KIAA1549L: variants seen among roughly 807,000 people sequenced by gnomAD.
KIAA1549L encodes the protein UPF0606 protein KIAA1549L.
KIAA1549L carries 88 observed loss-of-function variants against 160.7 expected under a neutral mutation model. That is an observed-to-expected ratio of 0.55 (90% CI 0.46 to 0.65). The LOEUF (loss-of-function observed/expected upper bound fraction) is 0.65, where lower values mean the gene tolerates loss of function less well. Among genes scored for constraint, KIAA1549L ranks in the 30% least tolerant of loss-of-function variants. The pLI, the probability that KIAA1549L is intolerant of heterozygous loss-of-function variation, is 0.00. For missense variants in KIAA1549L, 2,258 were observed against 2,437.5 expected (o/e 0.93, Z 1.55); for synonymous variants, 950 against 976.7 (o/e 0.97, Z 0.51).
At chr11:33,464,769 G>GAA (rs973971821) in intron 1 of KIAA1549L, among the ~76,000 whole-genome samples, 42 of 152,052 alleles carry the variant, frequency 2.8e-4, no homozygotes, top group African/African-American at 8.7e-4. Context: ...ATCAAGTCCA[G>GAA]ACCTCTTAGC....
intron 1 of KIAA1549L, among the ~76,000 whole-genome samples, chr11:33,422,462 C>G (rs1483345061): frequency 6.6e-6 from 1 of 151,668 alleles, no homozygotes; most frequent in East Asian, 1.9e-4. Context: ...TCCTCAGAAG[C>G]TACTTCCTCC....
At position 33,606,818 on chromosome 11, in the gene KIAA1549L, G is replaced by A. The variant is rs1487687255; in HGVS notation, c.5057G>A (p.Gly1686Asp). ...CAGGAGTCATCGGCAGTCCTCAACG[G>A]CGAGGTAAGTGCCTGGAGACCCAGG... ...RSQESSAVLN[G>D]EVNKALKQKS... is the part of the protein sequence containing the mutation. Residue 1686 changes from glycine (G) to aspartate (D), a missense_variant, in exon 14 of 21, where the codon GGC becomes GAC. Gly to Asp is a moderately conservative substitution (Grantham distance 94, BLOSUM62 -1). Coordinates refer to ENST00000658780, the MANE Select transcript of KIAA1549L (RefSeq NM_012194.3). 3 of 1,601,844 alleles carry A rather than the reference G, an allele frequency of 1.9e-6. No individual in the cohort carries two copies. Among genetic ancestry groups the A allele is most frequent in the Non-Finnish European group, 2.6e-6 (3 of 1,173,708 alleles).
At chr11:33,638,475 G>A (rs181558034) in intron 16 of KIAA1549L, among the ~76,000 whole-genome samples, 1,337 of 51,866 alleles carry the variant, frequency 0.026, 13 homozygotes, top group African/African-American at 0.1. Context: ...TCATCTATGA[G>A]TATTTTATTC....
rs905073566 is a variant in KIAA1549L, at chr11:33,441,476, G to T, written c.238+64587G>T. On this transcript the variant is annotated intron_variant, in intron 1 of 20. Transcript: ENST00000658780. ...GGGTCAAATGGTATTTCTAGTTCTAGATCCCTGAGGAATCGCCACACGACT... is the reference window on the plus strand; with the variant it reads ...GGGTCAAATGGTATTTCTAGTTCTATATCCCTGAGGAATCGCCACACGACT... 2.3e-4 allele frequency among the ~76,000 whole-genome samples: 27 copies of T among 117,122 alleles called. No individual in the cohort carries two copies. In the East Asian group the frequency reaches 4.8e-3, roughly 21 times the overall value. 76.8% of individuals were successfully genotyped at this position (117,122 alleles called of 152,430 possible). A position where few individuals can be genotyped will look rare whatever the true frequency, so the allele number is the denominator to read the frequency against.
intron 16 of KIAA1549L, among the ~76,000 whole-genome samples, chr11:33,631,409 C>T (rs560480060): frequency 1.3e-5 from 2 of 152,368 alleles, no homozygotes; most frequent in South Asian, 4.1e-4. Flanking sequence ...CCACCTGCTT[C>T]ATCCAGGCCC....
intron 1 of KIAA1549L, among the ~76,000 whole-genome samples, chr11:33,415,551 G>C (rs1850871355): frequency 6.6e-6 from 1 of 152,134 alleles, no homozygotes; most frequent in African/African-American, 2.4e-5. Context: ...CTCAAACACT[G>C]CTCCTTCTGG....
intron 1 of KIAA1549L, among the ~76,000 whole-genome samples, chr11:33,520,309 A>G (rs1344830097): frequency 1.3e-5 from 2 of 152,146 alleles, no homozygotes; most frequent in Non-Finnish European, 2.9e-5. Flanking sequence ...AACAGCCCCT[A>G]GTAACCACTA....
At chr11:33,451,620 T>C (rs1432124452) in intron 1 of KIAA1549L, among the ~76,000 whole-genome samples, 1 of 152,250 alleles carries the variant, frequency 6.6e-6, no homozygotes, top group African/African-American at 2.4e-5. Flanking sequence ...GTTCTGATCT[T>C]GTCTGAAAGA....
At chr11:33,468,670 G>T (rs1852111933) in intron 1 of KIAA1549L, among the ~76,000 whole-genome samples, 1 of 152,204 alleles carries the variant, frequency 6.6e-6, no homozygotes, top group African/African-American at 2.4e-5. Context: ...AGAGTGAGAA[G>T]ATTAAACTTA....
chr11:33,547,173 C>T (rs1311922564), intron 3 of KIAA1549L, among the ~76,000 whole-genome samples: 2 of 152,256 alleles, frequency 1.3e-5, no homozygotes, highest in East Asian at 1.9e-4. Context: ...CTCTTGTGAT[C>T]CTTCAGAACT....
chr11:33,664,553 G>A (rs1209331401), intron 20 of KIAA1549L, among the ~76,000 whole-genome samples: 1 of 152,198 alleles, frequency 6.6e-6, no homozygotes, highest in African/African-American at 2.4e-5. Context: ...ATTAGGACAT[G>A]GGACCTTTGG....
chr11:33,647,790 TAA>T (rs11363213), intron 17 of KIAA1549L, among the ~76,000 whole-genome samples: 38,470 of 150,548 alleles, frequency 0.26, 5,388 homozygotes, highest in Middle Eastern at 0.36. Context: ...TAAAACCATC[TAA>T]AAAAAAAAAA....
rs76415836 is a variant in KIAA1549L at position 33,509,541 on chromosome 11, A to G, written c.239-32261A>G. ...GAAGTGAAGGTTAATGTTCGGTTTC[A>G]TAGTGAAGTATAAAAAGGTCAGAAG... On this transcript the variant is annotated intron_variant, in intron 1 of 20. Transcript: ENST00000658780. Among the ~76,000 whole-genome samples the G allele has an allele frequency of 4.9e-3, 753 of 152,342 alleles. 5 individuals are homozygous for G. The highest frequency in any genetic ancestry group is 0.016 in the African/African-American group (685 of 41,584).
chr11:33,427,062 G>A (rs1342586272), intron 1 of KIAA1549L, among the ~76,000 whole-genome samples: 2 of 152,090 alleles, frequency 1.3e-5, no homozygotes, highest in African/African-American at 2.4e-5. Flanking sequence ...CAACTAAATG[G>A]GCGGTAGAAA....
intron 1 of KIAA1549L, among the ~76,000 whole-genome samples, chr11:33,404,022 C>A (rs890834756): frequency 6.6e-6 from 1 of 152,096 alleles, no homozygotes; most frequent in African/African-American, 2.4e-5. Context: ...GGTTCATGCA[C>A]CCATAGAAAT....
rs146345387 is a variant in KIAA1549L at position 33,390,429 on chromosome 11, G to C, written c.238+13540G>C. On this transcript the variant is annotated intron_variant, in intron 1 of 20. Coordinates refer to ENST00000658780, the MANE Select transcript of KIAA1549L (RefSeq NM_012194.3). ...AAACCTTGCACGGGGCTTTTCACTT[G>C]CTGTGGTGCTCACTGCAGCCAGAGT... is the stretch of plus-strand genomic sequence containing the variant. 2.6e-5 allele frequency among the ~76,000 whole-genome samples: 4 copies of C among 152,264 alleles called. No homozygotes were observed. In the East Asian group the frequency reaches 7.7e-4, roughly 29 times the overall value.
At chr11:33,552,653 AACAC>A (rs761358417) in intron 6 of KIAA1549L, among the ~76,000 whole-genome samples, 55,741 of 130,772 alleles carry the variant, frequency 0.43, 11,917 homozygotes, top group Middle Eastern at 0.54. Flanking sequence ...GACACATGCC[AACAC>A]ACACACACAC....
intron 1 of KIAA1549L, among the ~76,000 whole-genome samples, chr11:33,433,211 C>A (rs894838134): frequency 6.6e-6 from 1 of 152,034 alleles, no homozygotes; most frequent in African/African-American, 2.4e-5. Context: ...TCAGAACTTA[C>A]AAGGAACTTC....
intron 17 of KIAA1549L, among the ~76,000 whole-genome samples, chr11:33,650,431 C>T (rs779055586): frequency 1.2e-4 from 19 of 152,154 alleles, no homozygotes; most frequent in Non-Finnish European, 2.1e-4. Flanking sequence ...ATCTTCTCTG[C>T]GTGCCAGAAG....
Sources: gnomAD v4.1 joint callset for allele counts (sites outside exome capture counted in the v4.1 genomes callset) on GRCh38, gnomAD v4.1.1 for gene constraint, MANE v1.5 for transcripts, NCBI Gene and HGNC (gene_info 2026-07-23, HGNC 2026-07-21) for gene names.